Variants in SAMD9L observed in about 807,000 individuals in gnomAD.
SAMD9L encodes the protein sterile alpha motif domain containing 9 like.
In SAMD9L, 68 loss-of-function variants were observed where a neutral mutation model predicts 90.7. The ratio of observed to expected loss-of-function variants is 0.75; its 90% CI spans 0.62 to 0.92. The LOEUF (loss-of-function observed/expected upper bound fraction) is 0.92. Ranked by LOEUF, SAMD9L falls within the 40% of genes least tolerant of loss-of-function variation. SAMD9L has a pLI of 0.00. For missense variants in SAMD9L, 1,604 were observed against 1,824.3 expected, an observed-to-expected ratio of 0.88 and a Z score of 2.20; for synonymous variants, 640 against 630.1, an observed-to-expected ratio of 1.02 and a Z score of -0.23.
intron 4 of SAMD9L, among the ~76,000 whole-genome samples, chr7:93,144,493 G>A (rs768776417): frequency 6.6e-6 from 1 of 152,180 alleles, no homozygotes; most frequent in African/African-American, 2.4e-5. Flanking sequence ...GATGTGTATA[G>A]GTTATATGCA....
At chr7:93,147,605 T>A (rs1231905815) in intron 1 of SAMD9L, among the ~76,000 whole-genome samples, 1 of 152,204 alleles carries the variant, frequency 6.6e-6, no homozygotes, top group Non-Finnish European at 1.5e-5. Context: ...CCAGGAGAGC[T>A]ACCCACACCC....
chr7:93,135,138 A>C lies in SAMD9L; in HGVS notation c.834T>G (p.Asn278Lys). ...GCTCCCGAATACACTTCTTGGCTTC[A>C]TTGATCTCACTTTCTTCAAAATACT... ...IKKYFEESEI[N>K]EAKKCIREPR... Residue 278 changes from asparagine (N) to lysine (K), a missense_variant, in exon 5 of 5, where the codon AAT (asparagine) becomes AAG (lysine). By Grantham distance (94) the Asn-to-Lys change is moderately conservative (BLOSUM62 0). Coordinates refer to ENST00000318238, the MANE Select transcript of SAMD9L (RefSeq NM_152703.5). The C allele has an allele frequency of 1.2e-6, 2 of 1,612,858 alleles. No individual in the cohort carries two copies. Among genetic ancestry groups the C allele is most frequent in the Non-Finnish European group, 1.7e-6 (2 of 1,179,968 alleles).
chr7:93,147,760 A>C (rs1792948877), intron 1 of SAMD9L, among the ~76,000 whole-genome samples: 1 of 152,252 alleles, frequency 6.6e-6, no homozygotes, highest in Admixed American at 6.5e-5. Context: ...AATAATATTT[A>C]GCCTCTGCAG....
Position 93,132,005 on chromosome 7 carries a change from G to A in SAMD9L, c.3967C>T (p.Leu1323Phe), listed in dbSNP as rs1399325691. 3.1e-6 allele frequency: 5 copies of A among 1,612,800 alleles called. No homozygotes were observed. In the African/African-American group the frequency reaches 4.0e-5, roughly 13 times the overall value. Residue 1323 changes from leucine to phenylalanine, a missense_variant, in exon 5 of 5, where the codon CTC (leucine) becomes TTC (phenylalanine). Around this residue, in one of 7 missense-constraint regions of SAMD9L, gnomAD observed 282 missense variants for 329.6 expected, o/e 0.86. Coordinates refer to ENST00000318238, the MANE Select transcript of SAMD9L (RefSeq NM_152703.5). Reference protein sequence around the residue: ...CLLQSKESQLLQEENCRKKLE... With the variant: ...CLLQSKESQLFQEENCRKKLE... Reference sequence around the variant, plus strand: ...TTTTTCCTGCAATTCTCCTCCTGGAGTAATTGACTCTCTTTACTTTGTAAT... The same window carrying A: ...TTTTTCCTGCAATTCTCCTCCTGGAATAATTGACTCTCTTTACTTTGTAAT...
chr7:93,132,466 T>C lies in SAMD9L; in HGVS notation c.3506A>G (p.Gln1169Arg). The change falls in exon 5 of 5, where the codon CAA (glutamine) becomes CGA (arginine). Residue 1169 changes from glutamine (Q) to arginine (R), a missense_variant. Physicochemically the swap from Gln to Arg is conservative, Grantham distance 43. Around this residue, in one of 7 missense-constraint regions of SAMD9L, gnomAD observed 302 missense variants for 314.7 expected, o/e 0.96. Coordinates refer to ENST00000318238, the MANE Select transcript of SAMD9L (RefSeq NM_152703.5). ...ASRAFKESQRQTDSKNYETEN... is the reference protein window; with the variant it reads ...ASRAFKESQRRTDSKNYETEN... ...GGTTTCATAGTTTTTACTATCAGTT[T>C]GCCTTTGGGATTCTTTGAAAGCTCT... 1 of 1,613,812 alleles carries C rather than the reference T, an allele frequency of 6.2e-7. No homozygotes were observed. The highest frequency in any genetic ancestry group is 8.5e-7 in the Non-Finnish European group (1 of 1,179,832).
chr7:93,147,386 G>C (rs42499), intron 1 of SAMD9L, among the ~76,000 whole-genome samples: 1 of 152,068 alleles, frequency 6.6e-6, no homozygotes, highest in Non-Finnish European at 1.5e-5. Flanking sequence ...TGACAAAGGA[G>C]TTGCAGGTTG....
Position 93,134,666 on chromosome 7 carries a change from T to C in SAMD9L, c.1306A>G (p.Lys436Glu), listed in dbSNP as rs1322589494. Residue 436 changes from lysine to glutamate, a missense_variant, in exon 5 of 5, where the codon AAA (lysine) becomes GAA (glutamate). By Grantham distance (56) the Lys-to-Glu change is moderately conservative. Transcript: ENST00000318238. ...AACACAGCAAACCATTTAATTTCTT[T>C]TAAAAAATCTAAGTGCTTTATTTGG... ...PNQIKHLDFLKEIKWFAVLEF... is the reference protein window; with the variant it reads ...PNQIKHLDFLEEIKWFAVLEF... 1 of 1,613,836 alleles carries C rather than the reference T, an allele frequency of 6.2e-7. No individual in the cohort carries two copies. The highest frequency in any genetic ancestry group is 1.3e-5 in the African/African-American group (1 of 74,922).
rs747489625 is a variant in SAMD9L at position 93,131,771 on chromosome 7, G to A, written c.4201C>T (p.Gln1401Ter). The change falls in exon 5 of 5, where the codon CAA becomes TAA. Residue 1401 changes from glutamine (Q) to a stop codon, truncating the protein, a stop_gained. Transcript: ENST00000318238. LOFTEE classifies it high-confidence loss of function. ...SCLKPNSKLI[Q>*]PLTTLKKQLR... is the part of the protein sequence containing the mutation. ...TGTTTTTTTAGCGTGGTAAGTGGTT[G>A]AATTAACTTGGAGTTGGGCTTTAGA... The A allele has an allele frequency of 2.5e-6, 4 of 1,613,494 alleles. No homozygotes were observed. The highest frequency in any genetic ancestry group is 1.3e-5 in the African/African-American group (1 of 74,866).
Position 93,145,504 on chromosome 7 carries a change from T to C in SAMD9L, c.-242A>G, listed in dbSNP as rs1391019030. The C allele has an allele frequency of 6.6e-6, 1 of 152,178 alleles. No individual in the cohort carries two copies. The highest frequency in any genetic ancestry group is 6.5e-5 in the Admixed American group (1 of 15,286). The allele number at this position is 152,178 out of a possible 1,614,324, so 9.4% of individuals were successfully genotyped here. On this transcript the variant is annotated 5_prime_UTR_variant, in exon 3 of 5. Transcript: ENST00000318238. ...TTCTTGATAATTTGCAAGAGTCACG[T>C]TCTGGAAAGCAGCTATGAGGAAGCA...
In SAMD9L at chr7:93,132,652, C is replaced by T. The variant is rs369116471; in HGVS notation, c.3320G>A (p.Arg1107His). The T allele has an allele frequency of 3.8e-5, 62 of 1,613,662 alleles. No individual in the cohort carries two copies. The highest frequency in any genetic ancestry group is 1.6e-4 in the African/African-American group (12 of 74,886). The stretch of plus-strand genomic sequence containing the variant: ...TTTAGGTGCTTTCATTTTGGCCTGA[C>T]GTGCCCAGTCCAGAGCTGTGTTAAA... ...KDFNTALDWARQAKMKAPKNS... is the reference protein window; with the variant it reads ...KDFNTALDWAHQAKMKAPKNS... Residue 1107 changes from arginine (R) to histidine (H), a missense_variant, in exon 5 of 5, where the codon CGT becomes CAT. By Grantham distance (29) the Arg-to-His change is conservative (BLOSUM62 0). Around this residue, in one of 7 missense-constraint regions of SAMD9L, gnomAD observed 302 missense variants for 314.7 expected, o/e 0.96. Transcript: ENST00000318238.
rs774003032 is a variant in SAMD9L, at chr7:93,134,450, T to C, written c.1522A>G (p.Thr508Ala). ...AAATGTGGTTCTAGAGGTTTATATG[T>C]CTCGCTTTTCAGGTCTGATCTGCCG... ...CNGRSDLKSE[T>A]YKPLEPHLWQ... is the part of the protein sequence containing the mutation. Residue 508 changes from threonine to alanine, a missense_variant, in exon 5 of 5, where the codon ACA becomes GCA. By Grantham distance (58) the Thr-to-Ala change is moderately conservative. Coordinates refer to ENST00000318238, the MANE Select transcript of SAMD9L (RefSeq NM_152703.5). 225 of 1,613,858 alleles carry C rather than the reference T, an allele frequency of 1.4e-4. No individual in the cohort carries two copies. The highest frequency in any genetic ancestry group is 1.8e-4 in the Non-Finnish European group (216 of 1,179,886).
Position 93,132,035 on chromosome 7 carries a change from A to G in SAMD9L, c.3937T>C (p.Cys1313Arg), listed in dbSNP as rs934115714. The G allele has an allele frequency of 3.1e-6, 5 of 1,613,062 alleles. No individual in the cohort carries two copies. The highest frequency in any genetic ancestry group is 1.7e-5 in the Admixed American group (1 of 59,896). Reference protein sequence around the residue: ...YTELFCHLDPCLLQSKESQLL... With the variant: ...YTELFCHLDPRLLQSKESQLL... The stretch of plus-strand genomic sequence containing the variant: ...TGACTCTCTTTACTTTGTAATAGAC[A>G]TGGATCCAAATGACAGAAAAGTTCT... The change falls in exon 5 of 5, where the codon TGT (cysteine) becomes CGT (arginine). Residue 1313 changes from cysteine (C) to arginine (R), a missense_variant. By Grantham distance (180) the Cys-to-Arg change is radical. Coordinates refer to ENST00000318238, the MANE Select transcript of SAMD9L (RefSeq NM_152703.5).
intron 4 of SAMD9L, among the ~76,000 whole-genome samples, chr7:93,141,420 A>G (rs1792685913): frequency 6.6e-6 from 1 of 152,110 alleles, no homozygotes; most frequent in Admixed American, 6.5e-5. Context: ...TGCCTTCTCT[A>G]TGTTCACCTA....
At position 93,133,635 on chromosome 7, in the gene SAMD9L, C is replaced by T; in HGVS notation, c.2337G>A (p.Glu779=). The change falls in exon 5 of 5, where the codon GAG becomes GAA. Residue 779 remains glutamate, a synonymous_variant. Transcript: ENST00000318238. ...NKTTDFAEIA[E]QVINLVTYRA... ...TATAGGTGACCAGATTGATCACTTGCTCTGCAATTTCTGCAAAATCAGTTG... is the reference window on the plus strand; with the variant it reads ...TATAGGTGACCAGATTGATCACTTGTTCTGCAATTTCTGCAAAATCAGTTG... 1 of 1,613,614 alleles carries T rather than the reference C, an allele frequency of 6.2e-7. No individual in the cohort carries two copies. Among genetic ancestry groups the T allele is most frequent in the Non-Finnish European group, 8.5e-7 (1 of 1,179,788 alleles).
Position 93,130,967 on chromosome 7 carries a change from A to G in SAMD9L, c.*250T>C. 2.7e-6 allele frequency: 1 copy of G among 365,956 alleles called. No homozygotes were observed. The highest frequency in any genetic ancestry group is 4.9e-6 in the Non-Finnish European group (1 of 205,510). The allele number at this position is 365,956 out of a possible 1,614,324, so 22.7% of individuals were successfully genotyped here. Reference sequence around the variant, plus strand: ...TGATGTGACCAGTGGATATCAATGAAACTTCTTAATTATTTGAGTCTGAAA... The same window carrying G: ...TGATGTGACCAGTGGATATCAATGAGACTTCTTAATTATTTGAGTCTGAAA... On this transcript the variant is annotated 3_prime_UTR_variant, in exon 5 of 5. Transcript: ENST00000318238.
rs2116493545 is a variant in SAMD9L, at chr7:93,134,186, T to C, written c.1786A>G (p.Thr596Ala). Reference protein sequence around the residue: ...IYQRWKDLLQTRMKMEDELTN... With the variant: ...IYQRWKDLLQARMKMEDELTN... ...AGTTCATCTTCCATCTTCATTCTTG[T>C]TTGTAGTAGATCTTTCCATCGTTGA... Residue 596 changes from threonine to alanine, a missense_variant, in exon 5 of 5, where the codon ACA becomes GCA. Transcript: ENST00000318238. 6.2e-7 allele frequency: 1 copy of C among 1,613,580 alleles called. No homozygotes were observed. Among genetic ancestry groups the C allele is most frequent in the Non-Finnish European group, 8.5e-7 (1 of 1,179,686 alleles).
chr7:93,132,582 T>G lies in SAMD9L; in HGVS notation c.3390A>C (p.Glu1130Asp), dbSNP rs1792174058. ...TGTTCCCATCCAACCACCATTTGAT[T>G]TCACTTTTGTAGACTTGACCTAGTG... ...SDTLGQVYKS[E>D]IKWWLDGNKN... Residue 1130 changes from glutamate to aspartate, a missense_variant, in exon 5 of 5, where the codon GAA (glutamate) becomes GAC (aspartate). Physicochemically the swap from Glu to Asp is conservative, Grantham distance 45. This residue lies in a region of SAMD9L where 302 missense variants were observed against 314.7 expected (regional missense o/e 0.96). Transcript: ENST00000318238. 6.2e-7 allele frequency: 1 copy of G among 1,613,762 alleles called. No individual in the cohort carries two copies. Among genetic ancestry groups the G allele is most frequent in the Admixed American group, 1.7e-5 (1 of 59,970 alleles).
rs71830352 is a variant in SAMD9L at position 93,130,660 on chromosome 7, AGTGTGTGT to A, written c.*549_*556del. The A allele has an allele frequency of 0.14, 18,436 of 136,442 alleles. 1,195 individuals are homozygous for A. The highest frequency in any genetic ancestry group is 0.21 in the South Asian group (852 of 4,082). The allele number at this position is 136,442 out of a possible 1,614,324, so 8.5% of individuals were successfully genotyped here. A position where few individuals can be genotyped will look rare whatever the true frequency, so the allele number is the denominator to read the frequency against. On this transcript the variant is annotated 3_prime_UTR_variant, in exon 5 of 5. Coordinates refer to ENST00000318238, the MANE Select transcript of SAMD9L (RefSeq NM_152703.5). ...TGGGAGAAGGGCAAGGGGTACAAGG[AGTGTGTGT>A]GTGTGTGTGTGTGTGTGTGTGTGTG...
At chr7:93,140,032 C>A (rs549142194) in intron 4 of SAMD9L, among the ~76,000 whole-genome samples, 1 of 152,132 alleles carries the variant, frequency 6.6e-6, no homozygotes, top group Non-Finnish European at 1.5e-5. Context: ...TAGTTACATC[C>A]ACCACTCAGT....
Sources: allele counts gnomAD v4.1 joint callset (sites outside exome capture counted in the v4.1 genomes callset), GRCh38; gene constraint gnomAD v4.1.1; regional missense constraint gnomAD v4.1.1; transcripts MANE v1.5; gene names NCBI Gene and HGNC (gene_info 2026-07-23, HGNC 2026-07-21).